Variants in NXPH2 observed in about 807,000 individuals in gnomAD.
The protein encoded by NXPH2 is neurexophilin-2.
A neutral mutation model predicts 19.8 loss-of-function variants in NXPH2; 5 were observed. The ratio of observed to expected loss-of-function variants is 0.25; its 90% CI spans 0.13 to 0.53. The LOEUF (loss-of-function observed/expected upper bound fraction) is 0.53, where lower values mean the gene tolerates loss of function less well. Ranked by LOEUF, NXPH2 falls within the 20% of genes least tolerant of loss-of-function variation. The pLI is 0.96. For missense variants in NXPH2, 289 were observed against 322.8 expected (o/e 0.90, Z 0.80); for synonymous variants, 154 against 127.4 (o/e 1.21, Z -1.41).
At chr2:138,730,644 C>A (rs1681433897) in intron 1 of NXPH2, among the ~76,000 whole-genome samples, 2 of 152,158 alleles carry the variant, frequency 1.3e-5, no homozygotes, top group South Asian at 4.1e-4. Context: ...GCCTTTAAGT[C>A]ATGCTAGCAC....
At chr2:138,777,768 A>G (rs1235770904) in intron 1 of NXPH2, among the ~76,000 whole-genome samples, 1 of 149,920 alleles carries the variant, frequency 6.7e-6, no homozygotes, top group Non-Finnish European at 1.5e-5. Flanking sequence ...CTGGCAGTGC[A>G]GATAGAAAAG....
chr2:138,672,240 T>C (rs1680427171), intron 1 of NXPH2, among the ~76,000 whole-genome samples: 1 of 152,170 alleles, frequency 6.6e-6, no homozygotes, highest in South Asian at 2.1e-4. Flanking sequence ...TACAAAAAGT[T>C]TTAGTTGAAA....
intron 1 of NXPH2, among the ~76,000 whole-genome samples, chr2:138,744,675 G>A (rs1366169254): frequency 2.6e-5 from 4 of 152,056 alleles, no homozygotes; most frequent in African/African-American, 9.6e-5. Context: ...CTTACTTTAC[G>A]GACCTGCTTG....
At chr2:138,754,336 C>T (rs1681868363) in intron 1 of NXPH2, among the ~76,000 whole-genome samples, 2 of 152,128 alleles carry the variant, frequency 1.3e-5, no homozygotes, top group Admixed American at 6.5e-5. Flanking sequence ...CCTTCACTAT[C>T]CAAACCTTCC....
intron 1 of NXPH2, among the ~76,000 whole-genome samples, chr2:138,696,058 CAATT>C (rs1368534516): frequency 1.3e-5 from 2 of 152,002 alleles, no homozygotes; most frequent in African/African-American, 4.8e-5. Context: ...TATTTTCTGA[CAATT>C]AAGTTGGCAT....
chr2:138,702,145 C>G (rs1471480695), intron 1 of NXPH2, among the ~76,000 whole-genome samples: 1 of 151,874 alleles, frequency 6.6e-6, no homozygotes, highest in Non-Finnish European at 1.5e-5. Flanking sequence ...CTTACAGGGT[C>G]TCTCTCTGTC....
At chr2:138,779,122 G>A (rs73961535) in intron 1 of NXPH2, among the ~76,000 whole-genome samples, 18 of 152,288 alleles carry the variant, frequency 1.2e-4, no homozygotes, top group African/African-American at 4.3e-4. Flanking sequence ...GAGAGAGAGC[G>A]AGCGAGAGAG....
intron 1 of NXPH2, among the ~76,000 whole-genome samples, chr2:138,702,782 C>T (rs1395907799): frequency 6.6e-6 from 1 of 152,018 alleles, no homozygotes; most frequent in African/African-American, 2.4e-5. Context: ...ACAACAACAA[C>T]AACAACAAAA....
At chr2:138,739,907 A>G (rs906020541) in intron 1 of NXPH2, among the ~76,000 whole-genome samples, 7 of 152,208 alleles carry the variant, frequency 4.6e-5, no homozygotes, top group Non-Finnish European at 1.0e-4. Context: ...GCCAGATAGA[A>G]AGCAGATGGG....
intron 1 of NXPH2, among the ~76,000 whole-genome samples, chr2:138,723,023 C>T (rs982461590): frequency 4.6e-5 from 7 of 152,126 alleles, no homozygotes; most frequent in Non-Finnish European, 8.8e-5. Context: ...AGGTTAAGTA[C>T]CACATTATTT....
intron 1 of NXPH2, among the ~76,000 whole-genome samples, chr2:138,774,618 C>T (rs1374845324): frequency 2.6e-5 from 4 of 152,164 alleles, no homozygotes; most frequent in Admixed American, 2.0e-4. Flanking sequence ...GATGAAAGTT[C>T]TCAGGCTGTT....
chr2:138,705,592 A>G (rs1037761009), intron 1 of NXPH2, among the ~76,000 whole-genome samples: 1 of 152,176 alleles, frequency 6.6e-6, no homozygotes, highest in Non-Finnish European at 1.5e-5. Context: ...TTTATTCTAC[A>G]CTATCACTGC....
chr2:138,684,240 C>T (rs1027872080), intron 1 of NXPH2, among the ~76,000 whole-genome samples: 2 of 152,066 alleles, frequency 1.3e-5, no homozygotes, highest in African/African-American at 4.8e-5. Flanking sequence ...GGAATCTGGT[C>T]TTTGTATAAG....
chr2:138,675,017 T>C (rs1680465583), intron 1 of NXPH2, among the ~76,000 whole-genome samples: 1 of 152,236 alleles, frequency 6.6e-6, no homozygotes, highest in Non-Finnish European at 1.5e-5. Flanking sequence ...CCTTCTCCTG[T>C]TTCATGGGAT....
intron 1 of NXPH2, among the ~76,000 whole-genome samples, chr2:138,687,115 G>A (rs1680670702): frequency 6.6e-6 from 1 of 152,186 alleles, no homozygotes; most frequent in South Asian, 2.1e-4. Flanking sequence ...CTAGATCCTT[G>A]AGGAATCGCC....
chr2:138,748,027 T>G (rs1366468496), intron 1 of NXPH2, among the ~76,000 whole-genome samples: 1 of 152,212 alleles, frequency 6.6e-6, no homozygotes, highest in Non-Finnish European at 1.5e-5. Context: ...GTTTTGATGC[T>G]AAGTGAGTGG....
At chr2:138,721,540 G>A (rs570969666) in intron 1 of NXPH2, among the ~76,000 whole-genome samples, 3 of 152,208 alleles carry the variant, frequency 2.0e-5, no homozygotes, top group South Asian at 2.1e-4. Flanking sequence ...TATGGAGGAT[G>A]TACTGGAGGA....
intron 1 of NXPH2, among the ~76,000 whole-genome samples, chr2:138,741,077 TA>T (rs1447430114): frequency 6.6e-6 from 1 of 152,092 alleles, no homozygotes; most frequent in Non-Finnish European, 1.5e-5. Flanking sequence ...AAACTCCTGG[TA>T]AAAATGACTT....
chr2:138,710,192 A>T (rs1406352220), intron 1 of NXPH2, among the ~76,000 whole-genome samples: 1 of 152,134 alleles, frequency 6.6e-6, no homozygotes, highest in South Asian at 2.1e-4. Context: ...CACTTGTATC[A>T]CTTAGCATAA....
Sources: gnomAD v4.1 joint callset for allele counts (sites outside exome capture counted in the v4.1 genomes callset) on GRCh38, gnomAD v4.1.1 for gene constraint, MANE v1.5 for transcripts, NCBI Gene and HGNC (gene_info 2026-07-23, HGNC 2026-07-21) for gene names.